Variants in RTN1 observed in about 807,000 individuals in gnomAD.
RTN1 encodes reticulon-1.
RTN1 carries 25 observed loss-of-function variants against 65.5 expected under a neutral mutation model. That is an observed-to-expected ratio of 0.38 (90% CI 0.28 to 0.53). The LOEUF is 0.53. RTN1 is among the 20% of genes least tolerant of loss of function. The probability of loss-of-function intolerance (pLI) is 0.79; values close to 1 mark genes in which losing one functional copy is unlikely to be tolerated. For synonymous variants in RTN1, 471 were observed against 447.6 expected (o/e 1.05, Z -0.66); for missense variants, 983 against 1,025.4 (o/e 0.96, Z 0.57).
At chr14:59,706,954 C>T (rs1336809710) in intron 3 of RTN1, among the ~76,000 whole-genome samples, 2 of 152,152 alleles carry the variant, frequency 1.3e-5, no homozygotes, top group Non-Finnish European at 2.9e-5. Context: ...GTTGGTAAAG[C>T]ATACAGTTAA....
intron 1 of RTN1, among the ~76,000 whole-genome samples, chr14:59,791,792 C>T (rs1346919613): frequency 6.6e-6 from 1 of 152,196 alleles, no homozygotes; most frequent in African/African-American, 2.4e-5. Context: ...TAATTATAGT[C>T]ACACTTTATT....
chr14:59,677,496 T>G (rs1181946407), intron 3 of RTN1, among the ~76,000 whole-genome samples: 1 of 152,146 alleles, frequency 6.6e-6, no homozygotes, highest in Non-Finnish European at 1.5e-5. Flanking sequence ...GATTTATGAT[T>G]TGAAATGTAT....
At position 59,596,612 on chromosome 14, in the gene RTN1, T is replaced by G; in HGVS notation, c.*133A>C. 1 of 739,552 alleles carries G rather than the reference T, an allele frequency of 1.4e-6. No homozygotes were observed. Among genetic ancestry groups the G allele is most frequent in the Non-Finnish European group, 2.4e-6 (1 of 413,020 alleles). The allele number at this position is 739,552 out of a possible 1,614,324, so 45.8% of individuals were successfully genotyped here. A position where few individuals can be genotyped will look rare whatever the true frequency, so the allele number is the denominator to read the frequency against. ...AAGGAACAGCCTAAAAACAGCTGTT[T>G]TAAGGTTTGTCTCTAAGATTATGGT... On this transcript the variant is annotated 3_prime_UTR_variant, in exon 9 of 9. Coordinates refer to ENST00000267484, the MANE Select transcript of RTN1 (RefSeq NM_021136.3).
At chr14:59,860,504 C>T (rs1289176956) in intron 1 of RTN1, among the ~76,000 whole-genome samples, 3 of 152,176 alleles carry the variant, frequency 2.0e-5, no homozygotes, top group African/African-American at 7.2e-5. Flanking sequence ...GGGTCAGAGC[C>T]CCACACAGAC....
At chr14:59,795,994 T>C (rs1886432275) in intron 1 of RTN1, among the ~76,000 whole-genome samples, 2 of 151,832 alleles carry the variant, frequency 1.3e-5, no homozygotes, top group South Asian at 4.2e-4. Flanking sequence ...CCATGGGAGG[T>C]ACTAGGGAAG....
At chr14:59,611,061 G>A (rs952799494) in intron 3 of RTN1, among the ~76,000 whole-genome samples, 12 of 152,224 alleles carry the variant, frequency 7.9e-5, no homozygotes, top group Admixed American at 2.6e-4. Context: ...TGCTCAGAGA[G>A]ACTGATTTGA....
At chr14:59,619,102 G>A (rs1395564125) in intron 3 of RTN1, among the ~76,000 whole-genome samples, 2 of 152,196 alleles carry the variant, frequency 1.3e-5, no homozygotes, top group Admixed American at 1.3e-4. Context: ...TTGTTAAGGA[G>A]ATGGGGTGGA....
At chr14:59,651,832 G>A (rs932347968) in intron 3 of RTN1, among the ~76,000 whole-genome samples, 1 of 152,000 alleles carries the variant, frequency 6.6e-6, no homozygotes, top group Non-Finnish European at 1.5e-5. Flanking sequence ...ACGATAAATT[G>A]ACAAATGGGA....
rs1249704097 is a variant in RTN1, at chr14:59,870,141, G to T, written c.241+249C>A. 6.6e-6 allele frequency among the ~76,000 whole-genome samples: 1 copy of T among 152,172 alleles called. No homozygotes were observed. Among genetic ancestry groups the T allele is most frequent in the Non-Finnish European group, 1.5e-5 (1 of 68,036 alleles). ...TGCCTATGAGAACAATTTTTAAAGC[G>T]GAAATAATCATGATAATGAAATAAA... On this transcript the variant is annotated intron_variant, in intron 1 of 8. Coordinates refer to ENST00000267484, the MANE Select transcript of RTN1 (RefSeq NM_021136.3). The surrounding 1 kb of genome is among the most constrained non-coding windows in gnomAD (Gnocchi z 5.1).
At chr14:59,605,337 A>G (rs1248806550) in intron 5 of RTN1, 31 bp downstream of exon 5, 1 of 1,603,618 alleles carries the variant, frequency 6.2e-7, no homozygotes, top group Non-Finnish European at 8.5e-7. Flanking sequence ...AACAGTCAAG[A>G]CTGTGAAGTG....
intron 3 of RTN1, among the ~76,000 whole-genome samples, chr14:59,683,189 T>C (rs1482146956): frequency 6.6e-6 from 1 of 152,132 alleles, no homozygotes; most frequent in Non-Finnish European, 1.5e-5. Context: ...AGCTGAAAAA[T>C]ACGTTAATTA....
intron 1 of RTN1, among the ~76,000 whole-genome samples, chr14:59,772,764 T>C (rs960375242): frequency 1.3e-5 from 2 of 152,116 alleles, no homozygotes; most frequent in African/African-American, 4.8e-5. Flanking sequence ...AAACAAACAC[T>C]TTAGGCAACC....
At chr14:59,695,664 A>G (rs1884048486) in intron 3 of RTN1, among the ~76,000 whole-genome samples, 1 of 152,164 alleles carries the variant, frequency 6.6e-6, no homozygotes, top group Non-Finnish European at 1.5e-5. Context: ...CAAACTAGAA[A>G]AAGCTGAAGA....
intron 2 of RTN1, among the ~76,000 whole-genome samples, chr14:59,738,973 G>A (rs1385196456): frequency 6.6e-6 from 1 of 152,042 alleles, no homozygotes; most frequent in Admixed American, 6.5e-5. Flanking sequence ...CATATTGAGG[G>A]GGAGCAACAC....
chr14:59,597,119 C>T (rs1335870237), intron 8 of RTN1, among the ~76,000 whole-genome samples: 1 of 152,070 alleles, frequency 6.6e-6, no homozygotes, highest in African/African-American at 2.4e-5. Flanking sequence ...TGGGACACTT[C>T]AGAAAGAGAG....
intron 2 of RTN1, among the ~76,000 whole-genome samples, chr14:59,740,740 A>C (rs966650408): frequency 6.6e-6 from 1 of 152,224 alleles, no homozygotes; most frequent in Non-Finnish European, 1.5e-5. Context: ...AAGGGAAACT[A>C]AAACTTTAAC....
At chr14:59,658,771 G>A (rs746580275) in intron 3 of RTN1, among the ~76,000 whole-genome samples, 9 of 152,304 alleles carry the variant, frequency 5.9e-5, no homozygotes, top group Non-Finnish European at 1.3e-4. Flanking sequence ...CCACGAAGAT[G>A]AGGAAAAACC....
chr14:59,817,849 C>T (rs991651322), intron 1 of RTN1, among the ~76,000 whole-genome samples: 3 of 152,116 alleles, frequency 2.0e-5, no homozygotes, highest in Non-Finnish European at 4.4e-5. Context: ...GTTTCCTTAC[C>T]GTGAGATCAA....
At chr14:59,661,667 T>C (rs548109127) in intron 3 of RTN1, among the ~76,000 whole-genome samples, 1 of 152,330 alleles carries the variant, frequency 6.6e-6, no homozygotes, top group South Asian at 2.1e-4. Context: ...ATTATTTCAA[T>C]AGATGAAGAA....
Sources: gnomAD v4.1 joint callset for allele counts (sites outside exome capture counted in the v4.1 genomes callset) on GRCh38, gnomAD v4.1.1 for gene constraint, Gnocchi (gnomAD v3.1) non-coding constraint, MANE v1.5 for transcripts, NCBI Gene and HGNC (gene_info 2026-07-23, HGNC 2026-07-21) for gene names.